Variants in MYO15A observed in about 807,000 individuals in gnomAD.
MYO15A encodes the protein myosin XVA.
In MYO15A, 308 loss-of-function variants were observed where a neutral mutation model predicts 394.6. The observed-to-expected ratio is 0.78, with a 90% CI of 0.71 to 0.86. The LOEUF is 0.86. Ranked by LOEUF, MYO15A falls within the 40% of genes least tolerant of loss-of-function variation. MYO15A has a pLI of 0.00. For synonymous variants in MYO15A, 1,957 were observed against 2,003.8 expected (o/e 0.98, Z 0.62); for missense variants, 4,606 against 4,799.1 (o/e 0.96, Z 1.19).
At position 18,141,642 on chromosome 17, in the gene MYO15A, C is replaced by T. The variant is rs2046383301; in HGVS notation, c.5532-11C>T. ...CTCATAGCCCCAGACTAACTTTGGG[C>T]CCCCTACCAGGTACTGCTGTCTAGT... On this transcript the variant is annotated splice_polypyrimidine_tract_variant and intron_variant, in intron 22 of 65. Coordinates refer to ENST00000647165, the MANE Select transcript of MYO15A (RefSeq NM_016239.4). 6.2e-7 allele frequency: 1 copy of T among 1,612,888 alleles called. No individual in the cohort carries two copies. Among genetic ancestry groups the T allele is most frequent in the Non-Finnish European group, 8.5e-7 (1 of 1,179,084 alleles).
rs1330013462 is a variant in MYO15A, at chr17:18,157,257, A to G, written c.8788+27A>G. 1.9e-6 allele frequency: 3 copies of G among 1,580,224 alleles called. 1 individual carries two copies. The South Asian group carries it at 3.5e-5, about 18-fold the overall frequency. On this transcript the variant is annotated intron_variant, in intron 50 of 65. Coordinates refer to ENST00000647165, the MANE Select transcript of MYO15A (RefSeq NM_016239.4). ...TGTGTGCCCCAGAACCTGGAACCCC[A>G]TACGGGGCGCATCCTAGTTTCACCC...
At chr17:18,141,550 G>A in intron 22 of MYO15A, 103 bp from the exon 23 acceptor site, 1 of 1,101,980 alleles carries the variant, frequency 9.1e-7, no homozygotes, top group South Asian at 1.2e-5. Context: ...CCACCACTGG[G>A]ACCAGGCTTT....
intron 65 of MYO15A, among the ~76,000 whole-genome samples, chr17:18,174,437 C>A (rs1175716403): frequency 1.3e-5 from 2 of 151,988 alleles, no homozygotes; most frequent in Non-Finnish European, 2.9e-5. Context: ...GACCAGGCAA[C>A]ATAGTGAGAC....
rs762695747 is a variant in MYO15A at position 18,158,652 on chromosome 17, C to A, written c.9083+14C>A. 6.2e-7 allele frequency: 1 copy of A among 1,612,272 alleles called. No homozygotes were observed. Among genetic ancestry groups the A allele is most frequent in the South Asian group, 1.1e-5 (1 of 91,048 alleles). On this transcript the variant is annotated intron_variant, in intron 52 of 65. Coordinates refer to ENST00000647165, the MANE Select transcript of MYO15A (RefSeq NM_016239.4). ...GAGGAGACCCCAGTGAGTGGCGGCC[C>A]CACCCCTCTTCCCACAGTGGGAGGG...
Position 18,149,372 on chromosome 17 carries a change from C to A in MYO15A, c.7113C>A (p.His2371Gln). 1 of 1,605,988 alleles carries A rather than the reference C, an allele frequency of 6.2e-7. No individual in the cohort carries two copies. Among genetic ancestry groups the A allele is most frequent in the Non-Finnish European group, 8.5e-7 (1 of 1,175,970 alleles). ...ETEAQRGTAT[H>Q]QESDSLGEPA... ...AGGCCCAAAGAGGGACAGCAACCCA[C>A]CAAGGTCAACCAACAATGGCTGCTG... The change falls in exon 34 of 66, where the codon CAC becomes CAA. Residue 2371 changes from histidine to glutamine, a missense_variant. This residue lies in a region of MYO15A where 2,776 missense variants were observed against 3,109.3 expected (regional missense o/e 0.89). Coordinates refer to ENST00000647165, the MANE Select transcript of MYO15A (RefSeq NM_016239.4).
intron 5 of MYO15A, among the ~76,000 whole-genome samples, 153 bp from the exon 6 acceptor site, chr17:18,126,638 G>A (rs914652061): frequency 1.3e-5 from 2 of 152,026 alleles, no homozygotes; most frequent in East Asian, 1.9e-4. Context: ...GGCCACTGTC[G>A]TTCAGACCAG....
chr17:18,140,629 A>G lies in MYO15A; in HGVS notation c.5324A>G (p.Gln1775Arg). 6.2e-7 allele frequency: 1 copy of G among 1,613,870 alleles called. No homozygotes were observed. Among genetic ancestry groups the G allele is most frequent in the Non-Finnish European group, 8.5e-7 (1 of 1,180,042 alleles). The change falls in exon 20 of 66, where the codon CAG becomes CGG. Residue 1775 changes from glutamine (Q) to arginine (R), a missense_variant. Around this residue, in one of 2 missense-constraint regions of MYO15A, gnomAD observed 2,776 missense variants for 3,109.3 expected, o/e 0.89. Coordinates refer to ENST00000647165, the MANE Select transcript of MYO15A (RefSeq NM_016239.4). ...YKAHTVAAKF[Q>R]QSLLDLVEKM... ...GCGCACACTGTGGCCGCCAAGTTCC[A>G]GCAGTCACTCCTGGATCTGGTGGAA...
At position 18,148,042 on chromosome 17, in the gene MYO15A, TATGGGCGG is replaced by T. The variant is rs2046510028; in HGVS notation, c.6525_6532del (p.Tyr2175Ter). 6 of 1,614,008 alleles carry T rather than the reference TATGGGCGG, an allele frequency of 3.7e-6. No homozygotes were observed. The highest frequency in any genetic ancestry group is 5.1e-6 in the Non-Finnish European group (6 of 1,180,048). ...CCTACCCATCAGGTTTGTGTCTGAT[TATGGGCGG>T]AATGGCTTCCAGGCTGTGTGTCAGC... is the stretch of plus-strand genomic sequence containing the variant. On this transcript the variant is annotated frameshift_variant, in exon 31 of 66. Coordinates refer to ENST00000647165, the MANE Select transcript of MYO15A (RefSeq NM_016239.4). LOFTEE classifies it high-confidence loss of function. This position sits in a 1 kb window ranked among gnomAD's most constrained non-coding sequence, Gnocchi z 4.8.
chr17:18,172,355 A>G (rs1253169847), intron 64 of MYO15A, 65 bp downstream of exon 64: 1 of 1,611,576 alleles, frequency 6.2e-7, no homozygotes, highest in Admixed American at 1.7e-5. Context: ...ACCCCCTCCA[A>G]GAGGCCAAGA....
intron 19 of MYO15A, among the ~76,000 whole-genome samples, chr17:18,139,941 C>CT (rs1305097858): frequency 2.6e-5 from 4 of 152,212 alleles, no homozygotes; most frequent in African/African-American, 9.6e-5. Flanking sequence ...CCACCCCATT[C>CT]CCTGGCCCAT....
At chr17:18,144,033 C>T (rs1255558350) in intron 28 of MYO15A, 33 bp downstream of exon 28, 10 of 1,612,374 alleles carry the variant, frequency 6.2e-6, no homozygotes, top group Non-Finnish European at 8.5e-6. Flanking sequence ...GGCTCCCTGG[C>T]TGATAGGCGC....
At chr17:18,129,643 C>CA (rs762662230) in intron 7 of MYO15A, among the ~76,000 whole-genome samples, 11 of 152,214 alleles carry the variant, frequency 7.2e-5, no homozygotes, top group Non-Finnish European at 1.3e-4. Context: ...GGCCCATGCT[C>CA]ATCACTCGAG....
intron 23 of MYO15A, 105 bp downstream of exon 23, chr17:18,141,875 C>A (rs1268403474): frequency 1.6e-5 from 21 of 1,305,934 alleles, no homozygotes; most frequent in Non-Finnish European, 2.1e-5. Flanking sequence ...CCAGGAGCAA[C>A]CCAGATGAGC....
rs1188934010 is a variant in MYO15A at position 18,153,604 on chromosome 17, A to AGGAGAATC, written c.7967-169_7967-162dup. ...TCCCAGCTACTCAGGAGGCTGAGGC[A>AGGAGAATC]GGAGAATCGCTTGAACCCAGGAGGC... On this transcript the variant is annotated intron_variant, in intron 42 of 65. Coordinates refer to ENST00000647165, the MANE Select transcript of MYO15A (RefSeq NM_016239.4). The surrounding 1 kb of genome is among the most constrained non-coding windows in gnomAD (Gnocchi z 4.1). 2.1e-5 allele frequency: 11 copies of AGGAGAATC among 526,182 alleles called. No individual in the cohort carries two copies. In the East Asian group the frequency reaches 7.5e-4, roughly 36 times the overall value. The allele number at this position is 526,182 out of a possible 1,614,324, so 32.6% of individuals were successfully genotyped here.
chr17:18,138,199 C>T lies in MYO15A; in HGVS notation c.4960C>T (p.Pro1654Ser), dbSNP rs751972730. The part of the protein sequence containing the change: ...QPCINLISLK[P>S]YGILRILDDQ... ...CTGCATCAACCTCATCTCACTGAAGCCTTATGGCATCCTGCGGATCCTTGA... is the reference window on the plus strand; with the variant it reads ...CTGCATCAACCTCATCTCACTGAAGTCTTATGGCATCCTGCGGATCCTTGA... Residue 1654 changes from proline (P) to serine (S), a missense_variant, in exon 17 of 66, where the codon CCT becomes TCT. Coordinates refer to ENST00000647165, the MANE Select transcript of MYO15A (RefSeq NM_016239.4). 1 of 1,613,746 alleles carries T rather than the reference C, an allele frequency of 6.2e-7. No individual in the cohort carries two copies. Among genetic ancestry groups the T allele is most frequent in the Admixed American group, 1.7e-5 (1 of 60,022 alleles).
chr17:18,136,070 C>T (rs2046262499), intron 13 of MYO15A, among the ~76,000 whole-genome samples: 1 of 152,290 alleles, frequency 6.6e-6, no homozygotes, highest in South Asian at 2.1e-4. Context: ...CCTTTAAGAC[C>T]CTATCCAGGT....
chr17:18,119,952 C>A lies in MYO15A; in HGVS notation c.1152C>A (p.Val384=). 1 of 1,613,746 alleles carries A rather than the reference C, an allele frequency of 6.2e-7. No individual in the cohort carries two copies. The part of the protein sequence containing the change: ...VHYTVPYAEG[V]YGGGDEAIYP... ...ACACCGTCCCCTATGCCGAAGGCGT[C>A]TATGGCGGTGGGGACGAGGCCATCT... Residue 384 remains valine, a synonymous_variant, in exon 2 of 66, where the codon GTC becomes GTA. Transcript: ENST00000647165.
rs772247028 is a variant in MYO15A, at chr17:18,158,526, C to T, written c.8971C>T (p.Pro2991Ser). ...CCTAGCTCCGCCTCTTCTGCAGGGT[C>T]CCCCAGTCAGGGCCCGCTCTGCTGA... ...AQEVGRRREG[P>S]PVRARSADHG... Residue 2991 changes from proline (P) to serine (S), a missense_variant, in exon 52 of 66, where the codon CCC becomes TCC. This residue lies in a region of MYO15A where 2,776 missense variants were observed against 3,109.3 expected (regional missense o/e 0.89). Transcript: ENST00000647165. 4 of 1,613,960 alleles carry T rather than the reference C, an allele frequency of 2.5e-6. No homozygotes were observed. The highest frequency in any genetic ancestry group is 3.3e-5 in the Admixed American group (2 of 60,012).
Position 18,120,701 on chromosome 17 carries a change from G to A in MYO15A, c.1901G>A (p.Arg634His). The A allele has an allele frequency of 6.5e-7, 1 of 1,535,956 alleles. No individual in the cohort carries two copies. The highest frequency in any genetic ancestry group is 8.7e-7 in the Non-Finnish European group (1 of 1,151,208). The change falls in exon 2 of 66, where the codon CGC (arginine) becomes CAC (histidine). Residue 634 changes from arginine (R) to histidine (H), a missense_variant. Arg to His is a conservative substitution (Grantham distance 29). Coordinates refer to ENST00000647165, the MANE Select transcript of MYO15A (RefSeq NM_016239.4). ...ATCGTGCTGAGGAGGGCCCAGCCAC[G>A]CGCTCGCAGCAGCAACGACGCGCGC... ...TPIVLRRAQP[R>H]ARSSNDARRP...
Sources: allele counts gnomAD v4.1 joint callset (sites outside exome capture counted in the v4.1 genomes callset), GRCh38; gene constraint gnomAD v4.1.1; regional missense constraint gnomAD v4.1.1; non-coding constraint Gnocchi (gnomAD v3.1); transcripts MANE v1.5; gene names NCBI Gene and HGNC (gene_info 2026-07-23, HGNC 2026-07-21).